IMMP2L: variants seen among roughly 807,000 people sequenced by gnomAD.
The protein encoded by IMMP2L is inner mitochondrial membrane peptidase subunit 2, also known as mitochondrial inner membrane protease subunit 2.
IMMP2L carries 18 observed loss-of-function variants against 19.3 expected under a neutral mutation model. The observed-to-expected ratio is 0.93, with a 90% CI of 0.64 to 1.38. The LOEUF (loss-of-function observed/expected upper bound fraction) is 1.38. Ranked by LOEUF, IMMP2L falls within the 40% of genes most tolerant of loss-of-function variation. The probability of loss-of-function intolerance (pLI) is 0.00; values close to 1 mark genes in which losing one functional copy is unlikely to be tolerated. For missense variants in IMMP2L, 233 were observed against 218.2 expected, an observed-to-expected ratio of 1.07 and a Z score of -0.43; for synonymous variants, 76 against 73.0, an observed-to-expected ratio of 1.04 and a Z score of -0.21.
chr7:110,825,822 C>A (rs1483345445), intron 5 of IMMP2L, among the ~76,000 whole-genome samples: 4 of 152,070 alleles, frequency 2.6e-5, no homozygotes, highest in Admixed American at 2.0e-4. Context: ...GCAACAAAAG[C>A]CAAAATTGAC....
intron 3 of IMMP2L, among the ~76,000 whole-genome samples, chr7:111,148,261 G>C (rs1165032089): frequency 6.6e-6 from 1 of 152,054 alleles, no homozygotes; most frequent in Admixed American, 6.6e-5. Context: ...CTCACAATAA[G>C]TTAAATATTG....
At position 110,663,684 on chromosome 7, in the gene IMMP2L, A is replaced by G. The variant is rs1287637199; in HGVS notation, c.446T>C (p.Ile149Thr). 5.0e-6 allele frequency: 8 copies of G among 1,603,206 alleles called. No individual in the cohort carries two copies. The highest frequency in any genetic ancestry group is 6.0e-6 in the Non-Finnish European group (7 of 1,172,168). ...CTGCCAGCGCTCTGGGGGCCACAGG[A>G]TATGTGTGGCATGGGCATGCAGAAG... is the stretch of plus-strand genomic sequence containing the variant. ...LGLLHAHATHILWPPERWQKL... is the reference protein window; with the variant it reads ...LGLLHAHATHTLWPPERWQKL... The change falls in exon 6 of 6, where the codon ATC becomes ACC. Residue 149 changes from isoleucine (I) to threonine (T), a missense_variant. Physicochemically the swap from Ile to Thr is moderately conservative, Grantham distance 89 (BLOSUM62 -1). Coordinates refer to ENST00000405709, the MANE Select transcript of IMMP2L (RefSeq NM_032549.4).
At chr7:111,302,980 T>C (rs1239644079) in intron 3 of IMMP2L, among the ~76,000 whole-genome samples, 1 of 152,142 alleles carries the variant, frequency 6.6e-6, no homozygotes, top group Non-Finnish European at 1.5e-5. Flanking sequence ...TGTATCCTAC[T>C]AGCATCAAGA....
chr7:111,364,799 C>A (rs1477219455), intron 3 of IMMP2L, among the ~76,000 whole-genome samples: 1 of 151,560 alleles, frequency 6.6e-6, no homozygotes, highest in African/African-American at 2.4e-5. Flanking sequence ...GGTGAAACCC[C>A]ACCTCTATTA....
chr7:111,348,373 T>C (rs891919147), intron 3 of IMMP2L, among the ~76,000 whole-genome samples: 1 of 152,128 alleles, frequency 6.6e-6, no homozygotes. Flanking sequence ...AGATTTTATC[T>C]TCATAAATAC....
intron 5 of IMMP2L, among the ~76,000 whole-genome samples, chr7:110,720,334 T>C (rs575815942): frequency 2.0e-5 from 3 of 152,302 alleles, no homozygotes; most frequent in South Asian, 2.1e-4. Flanking sequence ...GCCTGGTAAT[T>C]ATTCTAACAA....
At chr7:110,741,190 G>T (rs1365288740) in intron 5 of IMMP2L, among the ~76,000 whole-genome samples, 1 of 152,066 alleles carries the variant, frequency 6.6e-6, no homozygotes, top group East Asian at 1.9e-4. Flanking sequence ...CAGCAACCTG[G>T]ATAAACTTTG....
intron 3 of IMMP2L, among the ~76,000 whole-genome samples, chr7:111,252,856 C>T (rs1469925302): frequency 1.3e-5 from 2 of 152,050 alleles, no homozygotes; most frequent in Non-Finnish European, 2.9e-5. Context: ...TTTTACTCAA[C>T]ATTACATTTA....
intron 5 of IMMP2L, among the ~76,000 whole-genome samples, chr7:110,770,222 GA>G (rs2131016865): frequency 1.3e-5 from 2 of 152,278 alleles, no homozygotes; most frequent in South Asian, 4.1e-4. Flanking sequence ...GAACTCAGGG[GA>G]TGGAAGTGCT....
At chr7:111,275,718 T>A (rs1818956564) in intron 3 of IMMP2L, among the ~76,000 whole-genome samples, 1 of 152,212 alleles carries the variant, frequency 6.6e-6, no homozygotes, top group East Asian at 1.9e-4. Context: ...ATCTATGATT[T>A]CTTTCATCAG....
intron 5 of IMMP2L, among the ~76,000 whole-genome samples, chr7:110,808,706 T>C (rs1455193398): frequency 6.6e-6 from 1 of 152,102 alleles, no homozygotes; most frequent in Non-Finnish European, 1.5e-5. Context: ...AGTGTTAGCT[T>C]AAATGCTCTC....
intron 3 of IMMP2L, among the ~76,000 whole-genome samples, chr7:111,277,500 G>A (rs1009139094): frequency 2.0e-5 from 3 of 151,396 alleles, no homozygotes; most frequent in African/African-American, 7.3e-5. Context: ...AAGAGGCGGA[G>A]GTTGCAGTGA....
chr7:110,898,947 T>C (rs1272644321), intron 4 of IMMP2L, among the ~76,000 whole-genome samples: 1 of 152,056 alleles, frequency 6.6e-6, no homozygotes, highest in Non-Finnish European at 1.5e-5. Context: ...ATTTTTAACT[T>C]TTTAGGCCTT....
chr7:110,923,091 C>A (rs1433982269), intron 4 of IMMP2L, among the ~76,000 whole-genome samples: 1 of 152,124 alleles, frequency 6.6e-6, no homozygotes, highest in Non-Finnish European at 1.5e-5. Context: ...TCCTGACATA[C>A]CAGTAACTAC....
chr7:110,990,547 G>C (rs1822349373), intron 3 of IMMP2L, among the ~76,000 whole-genome samples: 1 of 152,168 alleles, frequency 6.6e-6, no homozygotes, highest in Non-Finnish European at 1.5e-5. Context: ...TCATGAGGAA[G>C]CTGAAATTGT....
intron 3 of IMMP2L, among the ~76,000 whole-genome samples, chr7:111,389,260 A>C (rs1832097389): frequency 6.6e-6 from 1 of 152,184 alleles, no homozygotes; most frequent in Non-Finnish European, 1.5e-5. Flanking sequence ...ATTAAAGATA[A>C]GGCAAGATTA....
chr7:111,272,312 G>C (rs1178522870), intron 3 of IMMP2L, among the ~76,000 whole-genome samples: 1 of 152,082 alleles, frequency 6.6e-6, no homozygotes, highest in African/African-American at 2.4e-5. Context: ...TCTCCACCTT[G>C]CTTTTTTAGC....
chr7:110,815,926 T>C (rs1218506747), intron 5 of IMMP2L, among the ~76,000 whole-genome samples: 1 of 152,140 alleles, frequency 6.6e-6, no homozygotes, highest in Non-Finnish European at 1.5e-5. Flanking sequence ...AGCTCCTGCA[T>C]TAATTAATTT....
chr7:110,717,558 T>C (rs528356672), intron 5 of IMMP2L, among the ~76,000 whole-genome samples: 1 of 152,356 alleles, frequency 6.6e-6, no homozygotes, highest in South Asian at 2.1e-4. Flanking sequence ...TATATATCCA[T>C]AGCACCTATT....
Sources: gnomAD v4.1 joint callset for allele counts (sites outside exome capture counted in the v4.1 genomes callset) on GRCh38, gnomAD v4.1.1 for gene constraint, MANE v1.5 for transcripts, NCBI Gene and HGNC (gene_info 2026-07-23, HGNC 2026-07-21) for gene names.